Variants in ADGRD1 observed in about 807,000 individuals in gnomAD.
ADGRD1 encodes G-protein coupled receptor 133.
A neutral mutation model predicts 113.4 loss-of-function variants in ADGRD1; 77 were observed. The ratio of observed to expected loss-of-function variants is 0.68; its 90% confidence interval spans 0.57 to 0.82. The LOEUF (loss-of-function observed/expected upper bound fraction) is 0.82, where lower values mean the gene tolerates loss of function less well. ADGRD1 is among the 40% of genes least tolerant of loss of function. The probability of loss-of-function intolerance (pLI) is 0.00; values close to 1 mark genes in which losing one functional copy is unlikely to be tolerated. For missense variants in ADGRD1, 1,036 were observed against 1,139.1 expected (o/e 0.91, Z 1.30); for synonymous variants, 474 against 475.0 (o/e 1.00, Z 0.03).
intron 24 of ADGRD1, 31 bp from the exon 25 acceptor site, chr12:131,139,137 C>T (rs376507108): frequency 3.2e-6 from 5 of 1,546,482 alleles, no homozygotes; most frequent in East Asian, 2.3e-5. Flanking sequence ...GGGAGCAGGC[C>T]CTTCACTGCT....
chr12:131,136,887 C>G, intron 22 of ADGRD1, 86 bp from the exon 23 acceptor site: 1 of 1,118,140 alleles, frequency 8.9e-7, no homozygotes, highest in Middle Eastern at 2.0e-4. Flanking sequence ...GCCAGTGCCA[C>G]TCCCAGGCTG....
At chr12:131,110,356 C>CT (rs33940390) in intron 18 of ADGRD1, among the ~76,000 whole-genome samples, 30 of 149,042 alleles carry the variant, frequency 2.0e-4, no homozygotes, top group African/African-American at 5.2e-4. Flanking sequence ...ATTTTTTTCA[C>CT]TTTTTTTTTT....
intron 15 of ADGRD1, among the ~76,000 whole-genome samples, chr12:131,090,049 C>G (rs1333438335): frequency 1.3e-5 from 2 of 152,096 alleles, no homozygotes; most frequent in Non-Finnish European, 2.9e-5. Flanking sequence ...AGGGAAGGGC[C>G]CAGTCCAGCG....
chr12:131,083,052 G>A (rs558429225), intron 14 of ADGRD1, among the ~76,000 whole-genome samples: 4 of 152,352 alleles, frequency 2.6e-5, no homozygotes, highest in African/African-American at 7.2e-5. Flanking sequence ...ACATTGGCCA[G>A]AGAGGTACAA....
chr12:131,015,708 T>A (rs1379511430), intron 13 of ADGRD1, among the ~76,000 whole-genome samples: 1 of 152,166 alleles, frequency 6.6e-6, no homozygotes, highest in Non-Finnish European at 1.5e-5. Flanking sequence ...CCTCTCTGCA[T>A]GTGACCAGCC....
chr12:130,964,360 T>G (rs1024607330), intron 2 of ADGRD1, among the ~76,000 whole-genome samples: 7 of 152,142 alleles, frequency 4.6e-5, no homozygotes, highest in Admixed American at 3.9e-4. Flanking sequence ...TCCAATGTCT[T>G]TGTTGAATAA....
At chr12:131,026,948 T>C (rs1593067397) in intron 13 of ADGRD1, 1 of 152,250 alleles carries the variant, frequency 6.6e-6, no homozygotes, top group African/African-American at 2.4e-5. Flanking sequence ...ACAGTCACTT[T>C]CCTGTGCTTC....
chr12:131,115,706 C>T (rs569995590), intron 18 of ADGRD1, among the ~76,000 whole-genome samples: 5 of 152,292 alleles, frequency 3.3e-5, no homozygotes, highest in East Asian at 1.9e-4. Flanking sequence ...TCACATTGTC[C>T]GCAGAAGCAT....
chr12:131,051,030 A>G (rs1388961560), intron 13 of ADGRD1, among the ~76,000 whole-genome samples: 1 of 152,106 alleles, frequency 6.6e-6, no homozygotes, highest in Non-Finnish European at 1.5e-5. Flanking sequence ...TAAACCATTC[A>G]TGAGAACACC....
intron 13 of ADGRD1, among the ~76,000 whole-genome samples, chr12:131,051,997 T>A (rs1412220796): frequency 6.6e-6 from 1 of 152,216 alleles, no homozygotes; most frequent in African/African-American, 2.4e-5. Context: ...ATTAAATGGC[T>A]TATGTTGAGA....
chr12:130,970,154 A>T (rs1871443348), intron 3 of ADGRD1: 1 of 152,230 alleles, frequency 6.6e-6, no homozygotes, highest in Non-Finnish European at 1.5e-5. Flanking sequence ...ATGGCTCAAC[A>T]TGAAGCTCAA....
intron 4 of ADGRD1, among the ~76,000 whole-genome samples, chr12:130,980,190 T>C (rs955299229): frequency 6.6e-5 from 10 of 151,776 alleles, no homozygotes; most frequent in African/African-American, 1.9e-4. Flanking sequence ...CTGCAAGCTC[T>C]GCCTCCCGGG....
intron 20 of ADGRD1, chr12:131,122,109 T>A (rs1950611651): frequency 1.3e-5 from 2 of 152,068 alleles, no homozygotes; most frequent in South Asian, 4.1e-4. Flanking sequence ...GGGCTGCGCG[T>A]CCTGGCCCAG....
Position 131,003,805 on chromosome 12 carries a change from T to G in ADGRD1, c.1145-381T>G, listed in dbSNP as rs981916976. On this transcript the variant is annotated intron_variant, in intron 10 of 24. Transcript: ENST00000261654. The surrounding 1 kb of genome is among the most constrained non-coding windows in gnomAD (Gnocchi z 4.8). The stretch of plus-strand genomic sequence containing the variant: ...AATGGGCTGAAGCTACAGGGGTTAG[T>G]TTAGTCGCAGTTTGTTGGCCGTGTT... Among the ~76,000 whole-genome samples the G allele has an allele frequency of 6.6e-6, 1 of 152,146 alleles. No homozygotes were observed. The highest frequency in any genetic ancestry group is 6.5e-5 in the Admixed American group (1 of 15,286).
In ADGRD1 at chr12:131,070,875, C is replaced by A. The variant is rs755976194; in HGVS notation, c.1474-5926C>A. On this transcript the variant is annotated intron_variant, in intron 13 of 24. Transcript: ENST00000261654. ...GTGGTCATGGAGTGTCTGCACGGGACGTCCTGGAGAGTCGGGTGAGTCTGC... is the reference window on the plus strand; with the variant it reads ...GTGGTCATGGAGTGTCTGCACGGGAAGTCCTGGAGAGTCGGGTGAGTCTGC... The A allele has an allele frequency of 9.6e-6, 5 of 518,916 alleles. No homozygotes were observed. The Admixed American group carries it at 9.7e-5, about 10-fold the overall frequency. The allele number at this position is 518,916 out of a possible 1,614,324, so 32.1% of individuals were successfully genotyped here. A position where few individuals can be genotyped will look rare whatever the true frequency, so the allele number is the denominator to read the frequency against.
At chr12:131,091,562 T>C (rs1470761962) in intron 15 of ADGRD1, among the ~76,000 whole-genome samples, 2 of 152,240 alleles carry the variant, frequency 1.3e-5, no homozygotes, top group Non-Finnish European at 1.5e-5. Context: ...GAGTGATACA[T>C]ATCCCATTTT....
intron 13 of ADGRD1, among the ~76,000 whole-genome samples, 171 bp downstream of exon 13, chr12:131,014,511 G>T (rs1341428024): frequency 2.6e-5 from 4 of 152,236 alleles, no homozygotes; most frequent in Non-Finnish European, 5.9e-5. Context: ...TTTCTGAGCT[G>T]CAGTGGGAGG....
intron 13 of ADGRD1, among the ~76,000 whole-genome samples, chr12:131,021,600 TGTCG>T (rs985858612): frequency 1.9e-4 from 29 of 152,144 alleles, no homozygotes; most frequent in Non-Finnish European, 1.3e-4. Flanking sequence ...AAGATCAAGG[TGTCG>T]GTAGGTTTGG....
chr12:131,123,039 G>GTTTTTTTTT (rs552353187), intron 20 of ADGRD1, among the ~76,000 whole-genome samples: 80 of 51,360 alleles, frequency 1.6e-3, no homozygotes, highest in Non-Finnish European at 2.2e-3. Context: ...TACCTGGGGA[G>GTTTTTTTTT]TTTTTTTTTT....
Sources: gnomAD v4.1 joint callset for allele counts (sites outside exome capture counted in the v4.1 genomes callset) on GRCh38, gnomAD v4.1.1 for gene constraint, Gnocchi (gnomAD v3.1) non-coding constraint, MANE v1.5 for transcripts, NCBI Gene and HGNC (gene_info 2026-07-23, HGNC 2026-07-21) for gene names.